Variants in PPP6R3 observed in about 807,000 individuals in gnomAD.
The protein encoded by PPP6R3 is protein phosphatase 6 regulatory subunit 3, also known as serine/threonine-protein phosphatase 6 regulatory subunit 3.
Under a neutral mutation model 110.7 loss-of-function variants are expected in PPP6R3, and 38 were observed. The ratio of observed to expected loss-of-function variants is 0.34; its 90% CI spans 0.26 to 0.45. The LOEUF (loss-of-function observed/expected upper bound fraction) is 0.45. Ranked by LOEUF, PPP6R3 falls within the 20% of genes least tolerant of loss-of-function variation. The pLI is 1.00. For missense variants in PPP6R3, 870 were observed against 1,062.4 expected (o/e 0.82, Z 2.52); for synonymous variants, 369 against 373.5 (o/e 0.99, Z 0.14).
chr11:68,477,177 G>A (rs549068249), intron 1 of PPP6R3, among the ~76,000 whole-genome samples: 1 of 152,166 alleles, frequency 6.6e-6, no homozygotes, highest in Admixed American at 6.5e-5. Flanking sequence ...TATAAGGTGA[G>A]GCTTTTCCAT....
Position 68,569,789 on chromosome 11 carries a change from A to T in PPP6R3, c.1170A>T (p.Thr390=). 3 of 1,604,130 alleles carry T rather than the reference A, an allele frequency of 1.9e-6. No homozygotes were observed. The South Asian group carries it at 3.3e-5, about 18-fold the overall frequency. The change falls in exon 11 of 24, where the codon ACA becomes ACT. Residue 390 remains threonine, a synonymous_variant. Coordinates refer to ENST00000393800, the MANE Select transcript of PPP6R3 (RefSeq NM_001164161.2). ...ATACATGGAATAACTTTTTGCATAC[A>T]CAAGTGGAAATTTGTATTGCACTGA... ...FKYTWNNFLH[T]QVEICIALIL...
At chr11:68,552,376 G>A (rs181406002) in intron 6 of PPP6R3, among the ~76,000 whole-genome samples, 6 of 152,322 alleles carry the variant, frequency 3.9e-5, no homozygotes, top group Admixed American at 6.5e-5. Flanking sequence ...ATAGTAGAGC[G>A]AAACCCTTTC....
chr11:68,573,114 TTATATATATATATA>T (rs60848718), intron 12 of PPP6R3, among the ~76,000 whole-genome samples: 716 of 61,800 alleles, frequency 0.012, 37 homozygotes, highest in Middle Eastern at 0.017. Context: ...TTTACTTATT[TTATATATATATATA>T]TATATATATA....
At chr11:68,469,753 A>G (rs1035379267) in intron 1 of PPP6R3, among the ~76,000 whole-genome samples, 1 of 152,138 alleles carries the variant, frequency 6.6e-6, no homozygotes, top group Non-Finnish European at 1.5e-5. Context: ...GTGCCCAGAT[A>G]TTAAACATTA....
intron 19 of PPP6R3, among the ~76,000 whole-genome samples, chr11:68,599,185 A>G (rs140846889): frequency 1.8e-4 from 27 of 152,296 alleles, no homozygotes; most frequent in African/African-American, 6.5e-4. Flanking sequence ...CAACCTAGAG[A>G]TTCCTAATTA....
intron 1 of PPP6R3, among the ~76,000 whole-genome samples, chr11:68,498,313 C>CT (rs1402352104): frequency 6.6e-6 from 1 of 152,184 alleles, no homozygotes; most frequent in Admixed American, 6.5e-5. Context: ...AGTTACCCAG[C>CT]TCTAACAACC....
intron 16 of PPP6R3, among the ~76,000 whole-genome samples, chr11:68,589,223 CAATAAT>C (rs897584081): frequency 5.3e-5 from 8 of 151,804 alleles, no homozygotes; most frequent in Non-Finnish European, 2.9e-5. Context: ...ATAACAATAA[CAATAAT>C]AATAATAATA....
At chr11:68,538,965 C>A (rs1289664693) in intron 3 of PPP6R3, among the ~76,000 whole-genome samples, 3 of 152,162 alleles carry the variant, frequency 2.0e-5, no homozygotes, top group Non-Finnish European at 4.4e-5. Context: ...ACTAAAAATA[C>A]AAAAATTAGC....
At chr11:68,472,791 G>C (rs895110640) in intron 1 of PPP6R3, among the ~76,000 whole-genome samples, 1 of 152,056 alleles carries the variant, frequency 6.6e-6, no homozygotes, top group Non-Finnish European at 1.5e-5. Flanking sequence ...AAACCACCTT[G>C]TACCCATTGG....
At chr11:68,486,327 C>T (rs962694957) in intron 1 of PPP6R3, among the ~76,000 whole-genome samples, 14 of 151,436 alleles carry the variant, frequency 9.2e-5, no homozygotes, top group Admixed American at 3.3e-4. Flanking sequence ...CTGCGACTGC[C>T]GGGTGCAGTG....
intron 1 of PPP6R3, among the ~76,000 whole-genome samples, chr11:68,471,282 C>CAAA (rs34619002): frequency 1.7e-5 from 1 of 57,264 alleles, no homozygotes; most frequent in Non-Finnish European, 3.9e-5. Context: ...GATTCTGTCT[C>CAAA]AAAAAAAAAA....
intron 13 of PPP6R3, 80 bp downstream of exon 13, chr11:68,574,304 C>G (rs1376363158): frequency 9.3e-7 from 1 of 1,074,010 alleles, no homozygotes; most frequent in African/African-American, 1.6e-5. Flanking sequence ...ATGCATGTAG[C>G]ATTTTTAATA....
At chr11:68,563,536 C>T (rs184577871) in intron 8 of PPP6R3, among the ~76,000 whole-genome samples, 1 of 152,278 alleles carries the variant, frequency 6.6e-6, no homozygotes, top group African/African-American at 2.4e-5. Context: ...GCAGGCCCTA[C>T]GTATTAGAAT....
chr11:68,466,546 C>G (rs2098747500), intron 1 of PPP6R3, among the ~76,000 whole-genome samples: 1 of 150,410 alleles, frequency 6.6e-6, no homozygotes, highest in South Asian at 2.1e-4. Flanking sequence ...TCACGCCATT[C>G]TCCTGCCTCA....
intron 5 of PPP6R3, among the ~76,000 whole-genome samples, chr11:68,549,250 T>G (rs1047668950): frequency 2.0e-4 from 30 of 152,248 alleles, no homozygotes; most frequent in African/African-American, 6.8e-4. Flanking sequence ...TCTATCCGTC[T>G]TTAATACTAA....
rs193021678 is a variant in PPP6R3 at position 68,523,111 on chromosome 11, G to T, written c.-7+3460G>T. Among the ~76,000 whole-genome samples the T allele has an allele frequency of 2.6e-5, 4 of 152,182 alleles. No individual in the cohort carries two copies. The East Asian group carries it at 7.7e-4, about 29-fold the overall frequency. On this transcript the variant is annotated intron_variant, in intron 2 of 23. Coordinates refer to ENST00000393800, the MANE Select transcript of PPP6R3 (RefSeq NM_001164161.2). ...TAGCTCCTTCCCTCCTTCACCTTTT[G>T]GATAAAGTCAGTATTAAAGGTATGT...
intron 7 of PPP6R3, among the ~76,000 whole-genome samples, chr11:68,554,746 G>C (rs938695739): frequency 2.0e-5 from 3 of 152,100 alleles, no homozygotes; most frequent in African/African-American, 7.2e-5. Context: ...TTTTTAAAAA[G>C]AATGTTTACT....
At chr11:68,508,121 CTTTTTTTTT>C (rs748376581) in intron 1 of PPP6R3, among the ~76,000 whole-genome samples, 6 of 77,610 alleles carry the variant, frequency 7.7e-5, no homozygotes, top group East Asian at 3.8e-4. Flanking sequence ...GTTTTTTGGC[CTTTTTTTTT>C]TTTTTTTTTT....
At chr11:68,556,590 A>T (rs2099400561) in intron 7 of PPP6R3, among the ~76,000 whole-genome samples, 1 of 151,626 alleles carries the variant, frequency 6.6e-6, no homozygotes, top group African/African-American at 2.4e-5. Flanking sequence ...AAAGGCAGGG[A>T]TAAAGAACCT....
Sources: allele counts gnomAD v4.1 joint callset (sites outside exome capture counted in the v4.1 genomes callset), GRCh38; gene constraint gnomAD v4.1.1; transcripts MANE v1.5; gene names NCBI Gene and HGNC (gene_info 2026-07-23, HGNC 2026-07-21).